MXI1: variants seen among roughly 807,000 people sequenced by gnomAD.
MXI1 encodes MAX interactor 1, dimerization protein.
In MXI1, 18 loss-of-function variants were observed where a neutral mutation model predicts 36.9. That is an observed-to-expected ratio of 0.49 (90% CI 0.34 to 0.72). MXI1 has a LOEUF of 0.72. Among genes scored for constraint, MXI1 ranks in the 30% least tolerant of loss-of-function variants. MXI1 has a pLI of 0.01. For missense variants in MXI1, 304 were observed against 379.1 expected (o/e 0.80, Z 1.64); for synonymous variants, 160 against 146.7 (o/e 1.09, Z -0.65).
At chr10:110,224,851 T>C (rs1018900231) in intron 1 of MXI1, among the ~76,000 whole-genome samples, 6 of 152,128 alleles carry the variant, frequency 3.9e-5, no homozygotes, top group African/African-American at 1.4e-4. Flanking sequence ...TTTCACCATG[T>C]TGGCAAAGCT....
At chr10:110,253,768 C>T (rs1564717784) in intron 3 of MXI1, among the ~76,000 whole-genome samples, 1 of 151,920 alleles carries the variant, frequency 6.6e-6, no homozygotes, top group Non-Finnish European at 1.5e-5. Flanking sequence ...TAGTCAAAAT[C>T]CCATTTTAGC....
At chr10:110,229,683 C>T (rs1358113751) in intron 2 of MXI1, among the ~76,000 whole-genome samples, 1 of 151,990 alleles carries the variant, frequency 6.6e-6, no homozygotes, top group Non-Finnish European at 1.5e-5. Context: ...GTGTGTGGGT[C>T]TAGAGATTTT....
intron 2 of MXI1, among the ~76,000 whole-genome samples, chr10:110,236,929 T>TA (rs1318833953): frequency 6.6e-6 from 1 of 152,224 alleles, no homozygotes; most frequent in African/African-American, 2.4e-5. Flanking sequence ...ATGGTATGTC[T>TA]ATTACTTAGA....
chr10:110,209,683 A>G (rs1317703656), intron 1 of MXI1, among the ~76,000 whole-genome samples: 3 of 151,884 alleles, frequency 2.0e-5, no homozygotes, highest in Non-Finnish European at 2.9e-5. Context: ...GCGGGAAGCT[A>G]TGTGTGCATT....
At chr10:110,277,850 G>A (rs1182922085) in intron 3 of MXI1, among the ~76,000 whole-genome samples, 1 of 152,126 alleles carries the variant, frequency 6.6e-6, no homozygotes, top group Non-Finnish European at 1.5e-5. Flanking sequence ...TGACATAATT[G>A]GCTGCTTATT....
intron 1 of MXI1, chr10:110,226,009 G>T: frequency 2.0e-6 from 2 of 982,726 alleles, no homozygotes; most frequent in Non-Finnish European, 2.4e-6. Context: ...CAAACCACGC[G>T]CGGGCTGCCC....
chr10:110,230,600 A>G (rs1401933943), intron 2 of MXI1, among the ~76,000 whole-genome samples: 3 of 152,226 alleles, frequency 2.0e-5, no homozygotes, highest in Non-Finnish European at 4.4e-5. Context: ...TGTTAAAATG[A>G]AACACTAGAA....
chr10:110,247,033 C>T (rs1357825650), intron 3 of MXI1, among the ~76,000 whole-genome samples: 1 of 151,974 alleles, frequency 6.6e-6, no homozygotes, highest in Non-Finnish European at 1.5e-5. Context: ...TGAATGTGGT[C>T]CTTGGGAGAC....
At chr10:110,259,551 A>C (rs1831405789) in intron 3 of MXI1, among the ~76,000 whole-genome samples, 1 of 152,104 alleles carries the variant, frequency 6.6e-6, no homozygotes, top group Non-Finnish European at 1.5e-5. Context: ...AATCTTCTTC[A>C]TTTAAAGATA....
chr10:110,248,483 T>C (rs1387655460), intron 3 of MXI1, among the ~76,000 whole-genome samples: 1 of 152,208 alleles, frequency 6.6e-6, no homozygotes, highest in Non-Finnish European at 1.5e-5. Flanking sequence ...ATAAGTTGTT[T>C]AATCTAGCAT....
intron 1 of MXI1, among the ~76,000 whole-genome samples, chr10:110,219,161 A>C (rs1854731785): frequency 1.3e-5 from 2 of 152,054 alleles, no homozygotes; most frequent in Admixed American, 1.3e-4. Flanking sequence ...TTAGCTGGGC[A>C]TGGTGGTGGG....
At chr10:110,236,556 A>C (rs528909367) in intron 2 of MXI1, among the ~76,000 whole-genome samples, 3 of 152,134 alleles carry the variant, frequency 2.0e-5, no homozygotes, top group African/African-American at 7.2e-5. Context: ...TCTCGGGCTC[A>C]GGTGATTCTC....
intron 3 of MXI1, among the ~76,000 whole-genome samples, chr10:110,269,669 G>A (rs528152110): frequency 8.5e-5 from 13 of 152,168 alleles, no homozygotes; most frequent in African/African-American, 1.7e-4. Context: ...TTATCACTGC[G>A]TCTCAGATCT....
chr10:110,253,948 A>G (rs985989286), intron 3 of MXI1, among the ~76,000 whole-genome samples: 33 of 152,202 alleles, frequency 2.2e-4, no homozygotes, highest in African/African-American at 7.2e-4. Flanking sequence ...AAGGTTGTCA[A>G]CTTTCATGAC....
intron 1 of MXI1, chr10:110,225,912 A>T (rs1590336822): frequency 1.4e-6 from 1 of 708,418 alleles, no homozygotes; most frequent in South Asian, 6.6e-5. Flanking sequence ...GCGGGACTAC[A>T]TTTCCCAGGG....
At chr10:110,275,587 A>G (rs1856999464) in intron 3 of MXI1, among the ~76,000 whole-genome samples, 1 of 152,210 alleles carries the variant, frequency 6.6e-6, no homozygotes, top group South Asian at 2.1e-4. Flanking sequence ...GGAAGGGTAC[A>G]TTTACCTAAG....
chr10:110,216,970 C>T (rs565044524), intron 1 of MXI1, among the ~76,000 whole-genome samples: 1 of 152,190 alleles, frequency 6.6e-6, no homozygotes, highest in East Asian at 1.9e-4. Context: ...GCCCGGCCTA[C>T]AATCCTTTGT....
Position 110,232,367 on chromosome 10 carries a change from C to T in MXI1, c.407+4046C>T, listed in dbSNP as rs189543326. Reference sequence around the variant, plus strand: ...TCTGTTCCCTGCAGGGAATCATTTTCCCTCCCCCTTTGTTATCTCTGTTGA... The same window carrying T: ...TCTGTTCCCTGCAGGGAATCATTTTTCCTCCCCCTTTGTTATCTCTGTTGA... On this transcript the variant is annotated intron_variant, in intron 2 of 5. Coordinates refer to ENST00000332674, the MANE Select transcript of MXI1 (RefSeq NM_130439.3). Among the ~76,000 whole-genome samples the T allele has an allele frequency of 9.8e-4, 149 of 152,272 alleles. 1 individual carries two copies. Among genetic ancestry groups the T allele is most frequent in the Non-Finnish European group, 1.8e-3 (122 of 68,010 alleles).
At chr10:110,283,320 G>T (rs922997282) in intron 5 of MXI1, among the ~76,000 whole-genome samples, 7 of 150,534 alleles carry the variant, frequency 4.7e-5, no homozygotes, top group African/African-American at 1.7e-4. Context: ...CTGGAGTGCA[G>T]TGGCGTGATC....
Sources: allele counts gnomAD v4.1 joint callset (sites outside exome capture counted in the v4.1 genomes callset), GRCh38; gene constraint gnomAD v4.1.1; transcripts MANE v1.5; gene names NCBI Gene and HGNC (gene_info 2026-07-23, HGNC 2026-07-21).